CCR5AS: variants seen among roughly 807,000 people sequenced by gnomAD.
CCR5AS encodes the protein CCR5 antisense RNA.
chr3:46,369,444 G>T (rs1381118342), intron 3 of CCR5AS, among the ~76,000 whole-genome samples: 1 of 150,818 alleles, frequency 6.6e-6, no homozygotes, highest in East Asian at 1.9e-4. Context: ...ATGGGGCGGG[G>T]GTGGGGGTGT....
At chr3:46,393,144 C>T (rs943715858) in intron 1 of CCR5AS, 22 of 151,782 alleles carry the variant, frequency 1.4e-4, no homozygotes, top group African/African-American at 5.3e-4. Context: ...GGGGGTTGTC[C>T]TCTTGCAGGC....
chr3:46,386,879 G>C (rs1034444670), intron 2 of CCR5AS, among the ~76,000 whole-genome samples: 1 of 152,188 alleles, frequency 6.6e-6, no homozygotes, highest in African/African-American at 2.4e-5. Flanking sequence ...ATCCAGTGGG[G>C]TGAGAGGCAG....
chr3:46,372,839 C>T (rs1236586631), intron 2 of CCR5AS: 10 of 1,291,934 alleles, frequency 7.7e-6, no homozygotes, highest in Non-Finnish European at 1.1e-5. Flanking sequence ...TCATGGAGGG[C>T]AACTAAATAC....
chr3:46,365,428 T>G (rs1202762944), intron 3 of CCR5AS, among the ~76,000 whole-genome samples: 1 of 152,142 alleles, frequency 6.6e-6, no homozygotes, highest in African/African-American at 2.4e-5. Context: ...TGCACATTGG[T>G]TTTTCTGACA....
At chr3:46,389,015 T>A (rs1286229852) in intron 2 of CCR5AS, among the ~76,000 whole-genome samples, 1 of 152,152 alleles carries the variant, frequency 6.6e-6, no homozygotes, top group Non-Finnish European at 1.5e-5. Context: ...AGGGCATTTA[T>A]GAGTCATTGA....
intron 2 of CCR5AS, among the ~76,000 whole-genome samples, chr3:46,382,209 C>T (rs1012546861): frequency 6.6e-6 from 1 of 152,192 alleles, no homozygotes; most frequent in Non-Finnish European, 1.5e-5. Context: ...AGTAAAGGAA[C>T]AGGCAACATG....
intron 1 of CCR5AS, among the ~76,000 whole-genome samples, chr3:46,400,349 A>T (rs930954494): frequency 6.6e-6 from 1 of 152,196 alleles, no homozygotes; most frequent in African/African-American, 2.4e-5. Flanking sequence ...AGGATAATTT[A>T]TCTAAGGCTG....
At chr3:46,374,463 T>C (rs1232207340) in intron 2 of CCR5AS, 1 of 167,272 alleles carries the variant, frequency 6.0e-6, no homozygotes, top group South Asian at 2.1e-4. Flanking sequence ...ACACTTTTCA[T>C]GTGTGATTTC....
At chr3:46,398,180 T>C (rs1701977362) in intron 1 of CCR5AS, among the ~76,000 whole-genome samples, 1 of 119,808 alleles carries the variant, frequency 8.3e-6, no homozygotes, top group African/African-American at 3.5e-5. Context: ...AGGTTTATAA[T>C]ACCCTCAAAA....
At chr3:46,365,362 T>A (rs949661048) in intron 3 of CCR5AS, among the ~76,000 whole-genome samples, 1 of 152,216 alleles carries the variant, frequency 6.6e-6, no homozygotes, top group African/African-American at 2.4e-5. Context: ...TATGACTTGC[T>A]GAAGGCTCAG....
At chr3:46,381,632 A>C (rs4683220) in intron 2 of CCR5AS, among the ~76,000 whole-genome samples, 45,827 of 152,200 alleles carry the variant, frequency 0.3, 7,863 homozygotes, top group East Asian at 0.56. Flanking sequence ...AATATTGTCT[A>C]TGTTCACTTT....
At chr3:46,372,803 C>T (rs1701681004) in intron 2 of CCR5AS, 1 of 889,332 alleles carries the variant, frequency 1.1e-6, no homozygotes, top group Admixed American at 2.4e-5. Flanking sequence ...AATTAAAAAC[C>T]TATTGATGTA....
chr3:46,384,902 T>TAGAC (rs1387491899), intron 2 of CCR5AS, among the ~76,000 whole-genome samples: 19 of 88,196 alleles, frequency 2.2e-4, no homozygotes, highest in African/African-American at 7.5e-4. Flanking sequence ...GATAGATAGA[T>TAGAC]AGATAGATAG....
At chr3:46,398,035 T>C (rs1259484143) in intron 1 of CCR5AS, among the ~76,000 whole-genome samples, 2 of 152,192 alleles carry the variant, frequency 1.3e-5, no homozygotes, top group Non-Finnish European at 1.5e-5. Context: ...GATGTAAATC[T>C]AGCACTTGGG....
intron 2 of CCR5AS, among the ~76,000 whole-genome samples, chr3:46,384,898 TAGATAGATA>T (rs1352740906): frequency 7.8e-6 from 1 of 128,580 alleles, no homozygotes; most frequent in Non-Finnish European, 1.7e-5. Context: ...GATAGATAGA[TAGATAGATA>T]GATAGACAGA....
intron 2 of CCR5AS, among the ~76,000 whole-genome samples, chr3:46,386,630 G>T (rs1410086065): frequency 6.6e-6 from 1 of 152,212 alleles, no homozygotes; most frequent in Non-Finnish European, 1.5e-5. Flanking sequence ...CATTAACAGT[G>T]CAATGCAGAG....
At chr3:46,403,228 A>G (rs1410227313) in intron 1 of CCR5AS, among the ~76,000 whole-genome samples, 2 of 152,204 alleles carry the variant, frequency 1.3e-5, no homozygotes, top group Non-Finnish European at 2.9e-5. Context: ...TCATGGTAGA[A>G]TGATTTATAT....
At chr3:46,372,780 CA>C in intron 2 of CCR5AS, 1 of 723,800 alleles carries the variant, frequency 1.4e-6, no homozygotes, top group Non-Finnish European at 2.3e-6. Context: ...TCAATGTAGA[CA>C]TCTATGTAGG....
intron 1 of CCR5AS, among the ~76,000 whole-genome samples, chr3:46,400,735 A>G (rs1237024766): frequency 6.6e-6 from 1 of 152,202 alleles, no homozygotes; most frequent in Non-Finnish European, 1.5e-5. Flanking sequence ...GGGTGAATAG[A>G]AGCCCCTTAT....
Sources: allele counts gnomAD v4.1 joint callset (sites outside exome capture counted in the v4.1 genomes callset), GRCh38; gene constraint gnomAD v4.1.1; transcripts MANE v1.5; gene names NCBI Gene and HGNC (gene_info 2026-07-23, HGNC 2026-07-21).